The following RB1CC1 variants were observed in gnomAD, a reference collection of about 807,000 sequenced individuals.
RB1CC1 encodes the protein RB1-inducible coiled-coil protein 1.
A neutral mutation model predicts 177.5 loss-of-function variants in RB1CC1; 46 were observed. The observed-to-expected ratio is 0.26, with a 90% CI of 0.20 to 0.33. RB1CC1 has a LOEUF of 0.33. Among genes scored for constraint, RB1CC1 ranks in the 10% least tolerant of loss-of-function variants. The pLI is 1.00. For synonymous variants in RB1CC1, 666 were observed against 613.6 expected (o/e 1.09, Z -1.26); for missense variants, 1,703 against 1,816.3 (o/e 0.94, Z 1.13).
chr8:52,709,514 G>A (rs1856879313), intron 1 of RB1CC1, among the ~76,000 whole-genome samples: 1 of 152,154 alleles, frequency 6.6e-6, no homozygotes, highest in African/African-American at 2.4e-5. Context: ...CGAGGTGGGT[G>A]GCTCACTTCA....
intron 22 of RB1CC1, among the ~76,000 whole-genome samples, chr8:52,626,304 T>C (rs1563342179): frequency 6.6e-6 from 1 of 152,220 alleles, no homozygotes; most frequent in African/African-American, 2.4e-5. Flanking sequence ...GCAGTACTTG[T>C]GAAAGCCTTT....
chr8:52,711,809 G>GT (rs1489121744), intron 1 of RB1CC1, among the ~76,000 whole-genome samples: 2 of 152,156 alleles, frequency 1.3e-5, no homozygotes, highest in Non-Finnish European at 2.9e-5. Context: ...TCCAGCTTCA[G>GT]TAACTTCATT....
chr8:52,657,569 G>C lies in RB1CC1; in HGVS notation c.2260C>G (p.Pro754Ala), dbSNP rs1409040071. ...NLSSPNPISD[P>A]QSPEMMVESL... ...TCCACCATCATTTCTGGGCTTTGTG[G>C]ATCACTTATAGGATTAGGAGACGAC... Residue 754 changes from proline to alanine, a missense_variant, in exon 15 of 24, where the codon CCA becomes GCA. Transcript: ENST00000025008. The C allele has an allele frequency of 6.2e-7, 1 of 1,613,984 alleles. No individual in the cohort carries two copies. The highest frequency in any genetic ancestry group is 8.5e-7 in the Non-Finnish European group (1 of 1,179,994).
chr8:52,711,051 C>T (rs1009959468), intron 1 of RB1CC1, among the ~76,000 whole-genome samples: 6 of 151,746 alleles, frequency 4.0e-5, no homozygotes, highest in Admixed American at 6.6e-5. Context: ...AGCACAATTA[C>T]AAGCCAATAA....
At chr8:52,631,788 G>A (rs906951355) in intron 20 of RB1CC1, among the ~76,000 whole-genome samples, 2 of 152,078 alleles carry the variant, frequency 1.3e-5, no homozygotes, top group African/African-American at 2.4e-5. Context: ...AGCATCATTC[G>A]CTCTAATAAA....
chr8:52,684,554 T>C (rs899883063), intron 3 of RB1CC1, among the ~76,000 whole-genome samples: 1 of 152,244 alleles, frequency 6.6e-6, no homozygotes. Context: ...TGATATTTAC[T>C]ACTTCTATTT....
intron 18 of RB1CC1, among the ~76,000 whole-genome samples, chr8:52,637,316 T>G (rs569761975): frequency 2.1e-4 from 32 of 152,300 alleles, no homozygotes; most frequent in African/African-American, 7.2e-4. Flanking sequence ...TTTGATGCCA[T>G]CAGAAAAGAA....
At chr8:52,683,496 T>G in intron 5 of RB1CC1, 53 bp downstream of exon 5, 1 of 1,453,398 alleles carries the variant, frequency 6.9e-7, no homozygotes, top group South Asian at 1.5e-5. Flanking sequence ...CTGTGCTATT[T>G]AGATCCGAAT....
Position 52,685,685 on chromosome 8 carries a change from A to T in RB1CC1, c.-51-165T>A, listed in dbSNP as rs1300964748. On this transcript the variant is annotated intron_variant, in intron 2 of 23. Coordinates refer to ENST00000025008, the MANE Select transcript of RB1CC1 (RefSeq NM_014781.5). ...GGATAGTTCAGTAAACTCAATGCTT[A>T]AAAAAAAATAAAAATAAATAGTAAT... Among the ~76,000 whole-genome samples the T allele has an allele frequency of 1.3e-5, 2 of 151,482 alleles. No homozygotes were observed. Among genetic ancestry groups the T allele is most frequent in the Non-Finnish European group, 2.9e-5 (2 of 67,828 alleles).
At chr8:52,631,574 T>C (rs1417195022) in intron 20 of RB1CC1, among the ~76,000 whole-genome samples, 1 of 152,218 alleles carries the variant, frequency 6.6e-6, no homozygotes, top group Non-Finnish European at 1.5e-5. Flanking sequence ...CTGGAATGTA[T>C]GCATGCCAAA....
chr8:52,698,167 C>A (rs1367649620), intron 1 of RB1CC1, among the ~76,000 whole-genome samples: 1 of 152,068 alleles, frequency 6.6e-6, no homozygotes, highest in Non-Finnish European at 1.5e-5. Flanking sequence ...CTCACAACCT[C>A]CCCGGCTCAA....
chr8:52,674,282 T>C lies in RB1CC1; in HGVS notation c.573-8A>G, dbSNP rs774589492. ...GAAACTGCAGTTCCTAAACTTAAAA[T>C]ACAAAAGATCTGTCAGTAAAACTAT... is the stretch of plus-strand genomic sequence containing the variant. On this transcript the variant is annotated splice_region_variant and splice_polypyrimidine_tract_variant and intron_variant, in intron 6 of 23. Transcript: ENST00000025008. 7 of 1,579,950 alleles carry C rather than the reference T, an allele frequency of 4.4e-6. No homozygotes were observed. The highest frequency in any genetic ancestry group is 6.1e-6 in the Non-Finnish European group (7 of 1,150,252).
At position 52,643,622 on chromosome 8, in the gene RB1CC1, C is replaced by T. The variant is rs1849759214; in HGVS notation, c.3988-810G>A. Among the ~76,000 whole-genome samples, 3 of 148,236 alleles carry T rather than the reference C, an allele frequency of 2.0e-5. No individual in the cohort carries two copies. In the South Asian group the frequency reaches 6.4e-4, roughly 31 times the overall value. ...GAGGACTGCTTGAGCCCAGGAGTTC[C>T]AGGTTATAGCATGCCATGATTGCAC... On this transcript the variant is annotated intron_variant, in intron 16 of 23. Coordinates refer to ENST00000025008, the MANE Select transcript of RB1CC1 (RefSeq NM_014781.5).
At chr8:52,672,889 A>G (rs1426823771) in intron 7 of RB1CC1, among the ~76,000 whole-genome samples, 2 of 152,218 alleles carry the variant, frequency 1.3e-5, no homozygotes, top group African/African-American at 2.4e-5. Flanking sequence ...TTTGGCAGTG[A>G]TCAATCTTTG....
chr8:52,705,157 AC>A (rs1856439402), intron 1 of RB1CC1, among the ~76,000 whole-genome samples: 1 of 152,228 alleles, frequency 6.6e-6, no homozygotes, highest in African/African-American at 2.4e-5. Context: ...ACGGTAGTTA[AC>A]AAGTTAGTAG....
chr8:52,666,244 G>A lies in RB1CC1; in HGVS notation c.1173+1777C>T, dbSNP rs950433276. Among the ~76,000 whole-genome samples, 21 of 151,774 alleles carry A rather than the reference G, an allele frequency of 1.4e-4. 1 individual carries two copies. The highest frequency in any genetic ancestry group is 4.4e-4 in the African/African-American group (18 of 41,256). On this transcript the variant is annotated intron_variant, in intron 8 of 23. Coordinates refer to ENST00000025008, the MANE Select transcript of RB1CC1 (RefSeq NM_014781.5). ...TTATAAGAAACACCACCAAATATACGGCTGGGCGCCGTGGCTCACACCTGT... is the reference window on the plus strand; with the variant it reads ...TTATAAGAAACACCACCAAATATACAGCTGGGCGCCGTGGCTCACACCTGT...
intron 1 of RB1CC1, among the ~76,000 whole-genome samples, chr8:52,707,348 T>C (rs898148783): frequency 6.6e-6 from 1 of 152,102 alleles, no homozygotes; most frequent in Non-Finnish European, 1.5e-5. Flanking sequence ...TTTAAATCTA[T>C]TCCCTAATTT....
At position 52,668,046 on chromosome 8, in the gene RB1CC1, A is replaced by G. The variant is rs1014048504; in HGVS notation, c.1148T>C (p.Val383Ala). The change falls in exon 8 of 24, where the codon GTG becomes GCG. Residue 383 changes from valine to alanine, a missense_variant. Val to Ala is a moderately conservative substitution (Grantham distance 64). This residue lies in a region of RB1CC1 where 315 missense variants were observed against 304.9 expected (regional missense o/e 1.03). Coordinates refer to ENST00000025008, the MANE Select transcript of RB1CC1 (RefSeq NM_014781.5). ...DQMIASCGRLVNEQKELAQGF... is the reference protein window; with the variant it reads ...DQMIASCGRLANEQKELAQGF... ...CTGAGCAAGCTCTTTCTGTTCATTC[A>G]CCAGTCGGCCACAGCTAGCAATCAT... 4 of 1,613,772 alleles carry G rather than the reference A, an allele frequency of 2.5e-6. No homozygotes were observed. The highest frequency in any genetic ancestry group is 3.4e-6 in the Non-Finnish European group (4 of 1,179,888).
chr8:52,673,249 TG>T (rs1464665656), intron 7 of RB1CC1, among the ~76,000 whole-genome samples: 3 of 152,218 alleles, frequency 2.0e-5, no homozygotes, highest in African/African-American at 7.2e-5. Flanking sequence ...ACTTCCTTCC[TG>T]GTGTCAAAGA....
Sources: gnomAD v4.1 joint callset for allele counts (sites outside exome capture counted in the v4.1 genomes callset) on GRCh38, gnomAD v4.1.1 for gene constraint, gnomAD v4.1.1 regional missense constraint, MANE v1.5 for transcripts, NCBI Gene and HGNC (gene_info 2026-07-23, HGNC 2026-07-21) for gene names.